Variants in PDE12 observed in about 807,000 individuals in gnomAD.
PDE12 encodes the protein phosphodiesterase 12.
In PDE12, 26 loss-of-function variants were observed where a neutral mutation model predicts 45.4. That is an observed-to-expected ratio of 0.57 (90% CI 0.42 to 0.79). The LOEUF (loss-of-function observed/expected upper bound fraction) is 0.79, where lower values mean the gene tolerates loss of function less well. Among genes scored for constraint, PDE12 ranks in the 30% least tolerant of loss-of-function variants. PDE12 has a pLI of 0.00. For missense variants in PDE12, 668 were observed against 790.0 expected (o/e 0.85, Z 1.85); for synonymous variants, 283 against 323.9 (o/e 0.87, Z 1.36).
chr3:57,577,967 A>C, the PDE12 span, among the ~76,000 whole-genome samples: 295 of 152,126 alleles, frequency 1.9e-3, no homozygotes, highest in African/African-American at 6.8e-3. Context: ...GGTGGGAGGA[A>C]TCACGAGCCC....
chr3:57,616,251 CAG>C, the PDE12 span, among the ~76,000 whole-genome samples: 3 of 152,068 alleles, frequency 2.0e-5, no homozygotes, highest in South Asian at 4.1e-4. Flanking sequence ...TTGAGCCCAG[CAG>C]AGAGAGGCTG....
At chr3:57,580,711 C>CAAG in the PDE12 span, among the ~76,000 whole-genome samples, 2 of 151,762 alleles carry the variant, frequency 1.3e-5, no homozygotes, top group Non-Finnish European at 2.9e-5. Context: ...CTACCCTTTA[C>CAAG]AAGAGGTAAT....
chr3:57,624,708 G>C, the PDE12 span, among the ~76,000 whole-genome samples: 6 of 151,288 alleles, frequency 4.0e-5, no homozygotes, highest in Admixed American at 3.3e-4. Context: ...AGATTGCAGT[G>C]AGCAGAGATC....
chr3:57,644,688 AGGG>A, the PDE12 span, among the ~76,000 whole-genome samples: 1 of 84,794 alleles, frequency 1.2e-5, no homozygotes, highest in Non-Finnish European at 2.3e-5. Context: ...GCAACAGGGA[AGGG>A]AGGGGAGGGG....
the PDE12 span, chr3:57,628,450 T>C: frequency 3.5e-6 from 5 of 1,420,968 alleles, no homozygotes; most frequent in African/African-American, 2.9e-5. Context: ...TTAGATACTT[T>C]CAGTCTTAGA....
chr3:57,654,215 A>G, the PDE12 span, among the ~76,000 whole-genome samples: 2 of 151,950 alleles, frequency 1.3e-5, no homozygotes, highest in Non-Finnish European at 2.9e-5. Context: ...TTGGCCTCCC[A>G]AAGTGCCGGG....
At chr3:57,604,042 G>C in the PDE12 span, among the ~76,000 whole-genome samples, 1 of 151,692 alleles carries the variant, frequency 6.6e-6, no homozygotes, top group Non-Finnish European at 1.5e-5. Context: ...CTCTGCCTCA[G>C]CCTCCCAAGT....
chr3:57,574,219 G>A, the PDE12 span, among the ~76,000 whole-genome samples: 1 of 151,926 alleles, frequency 6.6e-6, no homozygotes, highest in Non-Finnish European at 1.5e-5. Flanking sequence ...GATTACAGGC[G>A]TGAGCCACTG....
Position 57,563,895 on chromosome 3 carries a change from A to G in PDE12, c.*3891A>G, listed in dbSNP as rs1456741700. 6.6e-6 allele frequency: 1 copy of G among 151,958 alleles called. No individual in the cohort carries two copies. Among genetic ancestry groups the G allele is most frequent in the East Asian group, 1.9e-4 (1 of 5,200 alleles). 9.4% of individuals were successfully genotyped at this position (151,958 alleles called of 1,614,324 possible). A position where few individuals can be genotyped will look rare whatever the true frequency, so the allele number is the denominator to read the frequency against. On this transcript the variant is annotated 3_prime_UTR_variant, in exon 3 of 3. Transcript: ENST00000311180. ...AGCAAGACCCTGTCTTCAAAAAACC[A>G]CTCTAGATTTCATGTTGTAGGGGGT...
At chr3:57,654,984 T>C in the PDE12 span, 2 of 220,230 alleles carry the variant, frequency 9.1e-6, no homozygotes, top group African/African-American at 2.3e-5. Context: ...ATACTATCAC[T>C]GTGTGAGATT....
At chr3:57,581,648 A>G in the PDE12 span, among the ~76,000 whole-genome samples, 19 of 152,266 alleles carry the variant, frequency 1.2e-4, no homozygotes, top group South Asian at 3.9e-3. Context: ...TAAAAATACA[A>G]AATTAGCCAG....
the PDE12 span, among the ~76,000 whole-genome samples, chr3:57,588,138 T>C: frequency 6.6e-6 from 1 of 152,226 alleles, no homozygotes; most frequent in African/African-American, 2.4e-5. Flanking sequence ...CTAATCTGTA[T>C]AGCCCAGCAA....
the PDE12 span, among the ~76,000 whole-genome samples, chr3:57,632,304 G>A: frequency 6.6e-6 from 1 of 151,828 alleles, no homozygotes; most frequent in East Asian, 1.9e-4. Flanking sequence ...GATTACAGAC[G>A]TGAGCCACCA....
chr3:57,595,761 C>A, the PDE12 span, among the ~76,000 whole-genome samples: 1 of 151,992 alleles, frequency 6.6e-6, no homozygotes, highest in Non-Finnish European at 1.5e-5. Context: ...CCAGACTGGC[C>A]AACGTGGTGA....
the PDE12 span, chr3:57,575,409 T>C: frequency 2.9e-5 from 24 of 840,540 alleles, no homozygotes; most frequent in Non-Finnish European, 3.6e-5. Context: ...TTAAAGTTTA[T>C]TACCATATTT....
chr3:57,614,960 T>A, the PDE12 span, among the ~76,000 whole-genome samples: 1 of 151,074 alleles, frequency 6.6e-6, no homozygotes. Flanking sequence ...GCCACTGCAT[T>A]CTAGCCTGGG....
the PDE12 span, chr3:57,633,302 T>C: frequency 1.9e-4 from 312 of 1,613,832 alleles, 2 homozygotes; most frequent in African/African-American, 2.9e-3. Flanking sequence ...TTCCAAAAAA[T>C]AGCGTCGAAG....
At chr3:57,567,950 C>T (rs2153407939), downstream of PDE12, among the ~76,000 whole-genome samples, 1 of 151,566 alleles carries the variant, frequency 6.6e-6, no homozygotes, top group East Asian at 1.9e-4. Context: ...TGCCTGTAAT[C>T]CCAGCTACTC....
At chr3:57,609,438 T>G in the PDE12 span, among the ~76,000 whole-genome samples, 10 of 151,926 alleles carry the variant, frequency 6.6e-5, no homozygotes, top group African/African-American at 2.4e-4. Flanking sequence ...AAAAAATCAA[T>G]GAATCCAGGA....
Sources: allele counts gnomAD v4.1 joint callset (sites outside exome capture counted in the v4.1 genomes callset), GRCh38; gene constraint gnomAD v4.1.1; transcripts MANE v1.5; gene names NCBI Gene and HGNC (gene_info 2026-07-23, HGNC 2026-07-21).